The following RAPGEF6 variants were observed in gnomAD, a reference collection of about 807,000 sequenced individuals.
The protein encoded by RAPGEF6 is PDZ domain containing guanine nucleotide exchange factor (GEF) 2.
Under a neutral mutation model 171.4 loss-of-function variants are expected in RAPGEF6, and 56 were observed. The ratio of observed to expected loss-of-function variants is 0.33; its 90% CI spans 0.26 to 0.41. The LOEUF (loss-of-function observed/expected upper bound fraction) is 0.41, where lower values mean the gene tolerates loss of function less well. Ranked by LOEUF, RAPGEF6 falls within the 10% of genes least tolerant of loss-of-function variation. The pLI is 1.00. For synonymous variants in RAPGEF6, 692 were observed against 650.1 expected (o/e 1.06, Z -0.98); for missense variants, 1,674 against 1,921.4 (o/e 0.87, Z 2.41).
chr5:131,618,027 A>C (rs1052783803), intron 1 of RAPGEF6, among the ~76,000 whole-genome samples: 2 of 152,172 alleles, frequency 1.3e-5, no homozygotes, highest in Non-Finnish European at 2.9e-5. Flanking sequence ...AAGGGGACTG[A>C]AGTTCTTTGG....
At chr5:131,452,927 G>A (rs568178516) in intron 21 of RAPGEF6, 127 bp downstream of exon 21, 9 of 1,170,434 alleles carry the variant, frequency 7.7e-6, no homozygotes, top group East Asian at 2.8e-5. Flanking sequence ...TACATGAAAC[G>A]GACACATATA....
intron 4 of RAPGEF6, among the ~76,000 whole-genome samples, chr5:131,588,262 C>A (rs768879016): frequency 6.6e-5 from 10 of 152,162 alleles, no homozygotes; most frequent in Non-Finnish European, 1.5e-4. Context: ...GAGACTTCTA[C>A]CTAGTCATTA....
At chr5:131,466,797 A>T (rs770908596) in intron 17 of RAPGEF6, among the ~76,000 whole-genome samples, 2 of 152,220 alleles carry the variant, frequency 1.3e-5, no homozygotes, top group South Asian at 4.1e-4. Flanking sequence ...AAAACGGACT[A>T]ATATACCTCT....
chr5:131,494,527 T>G (rs1488377810), intron 13 of RAPGEF6, among the ~76,000 whole-genome samples: 2 of 152,160 alleles, frequency 1.3e-5, no homozygotes, highest in Non-Finnish European at 2.9e-5. Context: ...TCTAGCATGG[T>G]CTGGATGCAG....
At chr5:131,524,765 A>G (rs539101494) in intron 6 of RAPGEF6, among the ~76,000 whole-genome samples, 62 of 152,178 alleles carry the variant, frequency 4.1e-4, no homozygotes, top group African/African-American at 1.4e-3. Flanking sequence ...ACAGATGTAT[A>G]CCACCATGCC....
chr5:131,548,907 G>C (rs1024225714), intron 5 of RAPGEF6, among the ~76,000 whole-genome samples: 1 of 151,922 alleles, frequency 6.6e-6, no homozygotes, highest in Non-Finnish European at 1.5e-5. Context: ...TCTACAGGGG[G>C]AAAAAAATAA....
At chr5:131,594,153 T>C (rs1763751224) in intron 3 of RAPGEF6, among the ~76,000 whole-genome samples, 2 of 152,246 alleles carry the variant, frequency 1.3e-5, no homozygotes, top group African/African-American at 2.4e-5. Context: ...CCTCAGGACA[T>C]GGTACCCTGC....
intron 4 of RAPGEF6, among the ~76,000 whole-genome samples, chr5:131,571,756 C>T (rs945897659): frequency 6.6e-6 from 1 of 152,042 alleles, no homozygotes; most frequent in African/African-American, 2.4e-5. Context: ...CATATGAAAA[C>T]AAATAACCAA....
intron 21 of RAPGEF6, among the ~76,000 whole-genome samples, chr5:131,450,766 T>C (rs1753011879): frequency 6.6e-6 from 1 of 152,218 alleles, no homozygotes; most frequent in African/African-American, 2.4e-5. Context: ...TAGCACTGGC[T>C]GACAAAACTG....
At chr5:131,499,513 G>T (rs926948231) in intron 11 of RAPGEF6, among the ~76,000 whole-genome samples, 2 of 150,168 alleles carry the variant, frequency 1.3e-5, no homozygotes, top group African/African-American at 4.9e-5. Flanking sequence ...CCCGGGAGGT[G>T]GAGGTTGCAG....
rs562968701 is a variant in RAPGEF6, at chr5:131,509,141, TC to T, written c.806-935del. Among the ~76,000 whole-genome samples, 122 of 152,376 alleles carry T rather than the reference TC, an allele frequency of 8.0e-4. 2 individuals carry two copies. In the South Asian group the frequency reaches 0.024, roughly 30 times the overall value. On this transcript the variant is annotated intron_variant, in intron 8 of 27. Transcript: ENST00000509018. ...ACAATATATGTTTGACACTAAGTGA[TC>T]TTTGCATCTTAAAGATAACATTAAC... is the stretch of plus-strand genomic sequence containing the variant.
At chr5:131,514,362 A>G (rs1257438261) in intron 7 of RAPGEF6, among the ~76,000 whole-genome samples, 1 of 152,206 alleles carries the variant, frequency 6.6e-6, no homozygotes, top group Non-Finnish European at 1.5e-5. Flanking sequence ...TCACTGCATG[A>G]TACTTCTGAA....
intron 3 of RAPGEF6, among the ~76,000 whole-genome samples, chr5:131,601,277 C>T (rs987293209): frequency 2.0e-5 from 3 of 150,840 alleles, no homozygotes; most frequent in African/African-American, 4.9e-5. Context: ...CCCAGCTACT[C>T]GGGAGGCTGA....
intron 22 of RAPGEF6, among the ~76,000 whole-genome samples, chr5:131,444,699 T>C (rs537581714): frequency 2.0e-5 from 3 of 152,216 alleles, no homozygotes; most frequent in South Asian, 2.1e-4. Flanking sequence ...TTTAGTGCTA[T>C]GAGAAAAGAC....
intron 16 of RAPGEF6, among the ~76,000 whole-genome samples, chr5:131,473,782 A>C (rs939517780): frequency 3.3e-5 from 5 of 152,226 alleles, no homozygotes; most frequent in African/African-American, 1.2e-4. Context: ...TAGATGTAAA[A>C]TATAGGATTT....
At position 131,462,065 on chromosome 5, in the gene RAPGEF6, T is replaced by G; in HGVS notation, c.2504A>C (p.Glu835Ala). 1 of 1,555,218 alleles carries G rather than the reference T, an allele frequency of 6.4e-7. No homozygotes were observed. The highest frequency in any genetic ancestry group is 8.7e-7 in the Non-Finnish European group (1 of 1,151,506). ...NGRYYLKNNM[E>A]TETLCSDEDA... Reference sequence around the variant, plus strand: ...TTCATCTGAACATAAGGTTTCTGTTTCCATGTTATTTTTTAAGTAATACCT... The same window carrying G: ...TTCATCTGAACATAAGGTTTCTGTTGCCATGTTATTTTTTAAGTAATACCT... Residue 835 changes from glutamate (E) to alanine (A), a missense_variant, in exon 19 of 28, where the codon GAA becomes GCA. Transcript: ENST00000509018.
Position 131,450,081 on chromosome 5 carries a change from TTTGAA to T in RAPGEF6, c.3200+2968_3200+2972del, listed in dbSNP as rs1752965711. The T allele has an allele frequency of 3.3e-6, 5 of 1,530,724 alleles. No individual in the cohort carries two copies. The South Asian group carries it at 4.8e-5, about 15-fold the overall frequency. 94.8% of individuals were successfully genotyped at this position (1,530,724 alleles called of 1,614,324 possible). ...AGAGCCACAAACATTGAAGCATGTG[TTTGAA>T]TAGGAAAGCACAGAAAAAAGACAAC... On this transcript the variant is annotated intron_variant, in intron 21 of 27. Coordinates refer to ENST00000509018, the MANE Select transcript of RAPGEF6 (RefSeq NM_016340.6).
intron 18 of RAPGEF6, chr5:131,463,622 G>T: frequency 1.6e-5 from 10 of 619,704 alleles, no homozygotes; most frequent in Non-Finnish European, 1.6e-5. Context: ...ATGTACTACA[G>T]AAATAATCTA....
At chr5:131,525,999 C>A (rs1405555447) in intron 6 of RAPGEF6, among the ~76,000 whole-genome samples, 1 of 152,180 alleles carries the variant, frequency 6.6e-6, no homozygotes, top group Admixed American at 6.5e-5. Flanking sequence ...AGATCATACA[C>A]TCAAGTAAGC....
Sources: gnomAD v4.1 joint callset for allele counts (sites outside exome capture counted in the v4.1 genomes callset) on GRCh38, gnomAD v4.1.1 for gene constraint, MANE v1.5 for transcripts, NCBI Gene and HGNC (gene_info 2026-07-23, HGNC 2026-07-21) for gene names.